PYHIN1: variants seen among roughly 807,000 people sequenced by gnomAD.
PYHIN1 encodes pyrin and HIN domain-containing protein 1.
PYHIN1 carries 32 observed loss-of-function variants against 43.7 expected under a neutral mutation model. The observed-to-expected ratio is 0.73, with a 90% CI of 0.55 to 0.98. The LOEUF (loss-of-function observed/expected upper bound fraction) is 0.98, where lower values mean the gene tolerates loss of function less well. PYHIN1 is among the 50% of genes least tolerant of loss of function. PYHIN1 has a pLI of 0.00. For synonymous variants in PYHIN1, 205 were observed against 203.1 expected, an observed-to-expected ratio of 1.01 and a Z score of -0.08; for missense variants, 588 against 589.5, an observed-to-expected ratio of 1.00 and a Z score of 0.03.
intron 7 of PYHIN1, among the ~76,000 whole-genome samples, chr1:158,960,392 T>C (rs1363161195): frequency 6.6e-6 from 1 of 152,244 alleles, no homozygotes; most frequent in Non-Finnish European, 1.5e-5. Flanking sequence ...TGCCAAAATC[T>C]TAATCACAAC....
intron 8 of PYHIN1, among the ~76,000 whole-genome samples, chr1:158,975,503 G>A (rs1557847649): frequency 6.6e-6 from 1 of 152,050 alleles, no homozygotes; most frequent in East Asian, 1.9e-4. Flanking sequence ...TTCTGGATCA[G>A]GCTGACATAA....
intron 8 of PYHIN1, among the ~76,000 whole-genome samples, chr1:158,974,597 G>A (rs1464848507): frequency 1.3e-5 from 2 of 152,096 alleles, no homozygotes; most frequent in East Asian, 1.9e-4. Context: ...AAAGGCAAGA[G>A]GAGAATCATG....
In PYHIN1 at chr1:158,938,460, A is replaced by G. The variant is rs1157735353; in HGVS notation, c.329A>G (p.Lys110Arg). ...GIIPSKKTKQ[K>R]EVYPATPACT... ...ATCCCATCTAAAAAGACGAAACAGA[A>G]AGAAGTGTATCCTGCTACACCTGCA... The change falls in exon 3 of 9, where the codon AAA (lysine) becomes AGA (arginine). Residue 110 changes from lysine to arginine, a missense_variant. Lys to Arg is a conservative substitution (Grantham distance 26). Coordinates refer to ENST00000368140, the MANE Select transcript of PYHIN1 (RefSeq NM_152501.5). 1 of 1,614,058 alleles carries G rather than the reference A, an allele frequency of 6.2e-7. No homozygotes were observed. The highest frequency in any genetic ancestry group is 8.5e-7 in the Non-Finnish European group (1 of 1,180,006).
At position 158,942,359 on chromosome 1, in the gene PYHIN1, C is replaced by T. The variant is rs767310136; in HGVS notation, c.962C>T (p.Thr321Ile). The T allele has an allele frequency of 6.2e-7, 1 of 1,611,232 alleles. No individual in the cohort carries two copies. The highest frequency in any genetic ancestry group is 8.5e-7 in the Non-Finnish European group (1 of 1,179,104). ...AAGATCAATATTCTTCACAAACAAACTTCAGGATATATTGTATATGGATTA... is the reference window on the plus strand; with the variant it reads ...AAGATCAATATTCTTCACAAACAAATTTCAGGATATATTGTATATGGATTA... ...IPKINILHKQ[T>I]SGYIVYGLFM... Residue 321 changes from threonine to isoleucine, a missense_variant, in exon 5 of 9, where the codon ACT becomes ATT. Thr to Ile is a moderately conservative substitution (Grantham distance 89, BLOSUM62 -1). Transcript: ENST00000368140.
chr1:158,990,463 T>C, the PYHIN1 span, among the ~76,000 whole-genome samples: 1 of 152,108 alleles, frequency 6.6e-6, no homozygotes, highest in African/African-American at 2.4e-5. Context: ...CATTGTGAGG[T>C]GGTTAAATCT....
the PYHIN1 span, among the ~76,000 whole-genome samples, chr1:158,990,756 A>G: frequency 6.6e-6 from 1 of 152,166 alleles, no homozygotes; most frequent in Non-Finnish European, 1.5e-5. Context: ...TCTACATATG[A>G]ATGAGTGATA....
chr1:158,981,091 G>A (rs1651469350), downstream of PYHIN1, among the ~76,000 whole-genome samples: 1 of 152,064 alleles, frequency 6.6e-6, no homozygotes, highest in Non-Finnish European at 1.5e-5. Context: ...TAATGATTTT[G>A]TATTTTTATG....
chr1:158,976,338 A>G (rs1479323899), intron 8 of PYHIN1, among the ~76,000 whole-genome samples: 2 of 152,094 alleles, frequency 1.3e-5, no homozygotes, highest in East Asian at 1.9e-4. Context: ...CAGTTGCACC[A>G]GGAATACATT....
chr1:158,972,831 C>A (rs994706150), intron 7 of PYHIN1, among the ~76,000 whole-genome samples: 7 of 152,040 alleles, frequency 4.6e-5, no homozygotes, highest in African/African-American at 1.7e-4. Context: ...TTCACATGTC[C>A]ATTTATTTCC....
chr1:158,939,167 G>A lies in PYHIN1; in HGVS notation c.499G>A (p.Ala167Thr), dbSNP rs1485600397. The A allele has an allele frequency of 6.2e-7, 1 of 1,613,886 alleles. No individual in the cohort carries two copies. Among genetic ancestry groups the A allele is most frequent in the Admixed American group, 1.7e-5 (1 of 59,964 alleles). The change falls in exon 4 of 9, where the codon GCC becomes ACC. Residue 167 changes from alanine to threonine, a missense_variant. Coordinates refer to ENST00000368140, the MANE Select transcript of PYHIN1 (RefSeq NM_152501.5). ...EQTRPSCSAGASTSTAMGRSP... is the reference protein window; with the variant it reads ...EQTRPSCSAGTSTSTAMGRSP... ...GACTCGGCCTTCCTGCTCTGCAGGAGCCAGCACGTCCACAGCCATGGGCCG... is the reference window on the plus strand; with the variant it reads ...GACTCGGCCTTCCTGCTCTGCAGGAACCAGCACGTCCACAGCCATGGGCCG...
chr1:158,964,014 G>A (rs1017374579), intron 7 of PYHIN1, among the ~76,000 whole-genome samples: 1 of 152,024 alleles, frequency 6.6e-6, no homozygotes, highest in Non-Finnish European at 1.5e-5. Context: ...GGAGCTGATA[G>A]AAAAAATGGC....
intron 7 of PYHIN1, among the ~76,000 whole-genome samples, chr1:158,960,007 C>T (rs1571765141): frequency 1.3e-5 from 2 of 152,178 alleles, no homozygotes; most frequent in African/African-American, 2.4e-5. Context: ...TTTTTACATT[C>T]ATTTCTCACC....
chr1:158,981,419 CA>C (rs1399448467), downstream of PYHIN1, among the ~76,000 whole-genome samples: 1 of 152,058 alleles, frequency 6.6e-6, no homozygotes, highest in Non-Finnish European at 1.5e-5. Context: ...TGCAGTAAGC[CA>C]AGATTGTGCC....
chr1:158,959,460 G>C (rs1445538007), intron 7 of PYHIN1, among the ~76,000 whole-genome samples: 1 of 152,170 alleles, frequency 6.6e-6, no homozygotes, highest in Non-Finnish European at 1.5e-5. Context: ...TAGTAAACAA[G>C]CTATTTAGAT....
chr1:158,937,026 TGAAAG>T lies in PYHIN1; in HGVS notation c.117_121del (p.Met39IlefsTer4). 1 of 1,613,912 alleles carries T rather than the reference TGAAAG, an allele frequency of 6.2e-7. No individual in the cohort carries two copies. The highest frequency in any genetic ancestry group is 8.5e-7 in the Non-Finnish European group (1 of 1,179,960). ...AACGATTTAAAACTTAATCCAAAAA[TGAAAG>T]AAGAGTATGACAAAATTCAGATTGC... is the stretch of plus-strand genomic sequence containing the variant. On this transcript the variant is annotated frameshift_variant, in exon 2 of 9. Transcript: ENST00000368140. LOFTEE classifies it high-confidence loss of function.
Position 158,933,511 on chromosome 1 carries a change from A to AT in PYHIN1, c.-21+1743dup, listed in dbSNP as rs910237376. On this transcript the variant is annotated intron_variant, in intron 1 of 8. Transcript: ENST00000368140. The surrounding 1 kb of genome is among the most constrained non-coding windows in gnomAD (Gnocchi z 6.3). ...AGTTTCTCCTTGCATGATAATTTAA[A>AT]TTTTTTTTCATCTTTCAGTGATCTT... 1.4e-4 allele frequency among the ~76,000 whole-genome samples: 22 copies of AT among 151,802 alleles called. No individual in the cohort carries two copies. Among genetic ancestry groups the AT allele is most frequent in the Admixed American group, 1.2e-3 (19 of 15,252 alleles).
intron 7 of PYHIN1, among the ~76,000 whole-genome samples, chr1:158,952,885 C>G (rs920464810): frequency 7.2e-5 from 11 of 152,172 alleles, no homozygotes; most frequent in Non-Finnish European, 1.5e-4. Flanking sequence ...GGGCGCAGGT[C>G]AGTGGGTGCA....
chr1:158,965,633 C>T (rs1650588310), intron 7 of PYHIN1, among the ~76,000 whole-genome samples: 1 of 152,112 alleles, frequency 6.6e-6, no homozygotes, highest in Non-Finnish European at 1.5e-5. Context: ...CAGCCTTCTC[C>T]TGAATGACTT....
chr1:158,957,527 G>T (rs1165893577), intron 7 of PYHIN1, among the ~76,000 whole-genome samples: 2 of 151,026 alleles, frequency 1.3e-5, no homozygotes, highest in Non-Finnish European at 3.0e-5. Flanking sequence ...TTTAATAAAT[G>T]GTGCTGGGAA....
Sources: gnomAD v4.1 joint callset for allele counts (sites outside exome capture counted in the v4.1 genomes callset) on GRCh38, gnomAD v4.1.1 for gene constraint, Gnocchi (gnomAD v3.1) non-coding constraint, MANE v1.5 for transcripts, NCBI Gene and HGNC (gene_info 2026-07-23, HGNC 2026-07-21) for gene names.